The following MYLK3 variants were observed in gnomAD, a reference collection of about 807,000 sequenced individuals.
MYLK3 encodes myosin light chain kinase 3, also known as MLC kinase.
In MYLK3, 55 loss-of-function variants were observed where a neutral mutation model predicts 76.3. That is an observed-to-expected ratio of 0.72 (90% CI 0.58 to 0.90). MYLK3 has a LOEUF of 0.90. Ranked by LOEUF, MYLK3 falls within the 40% of genes least tolerant of loss-of-function variation. The pLI is 0.00. For missense variants in MYLK3, 973 were observed against 1,053.6 expected (o/e 0.92, Z 1.06); for synonymous variants, 416 against 425.4 (o/e 0.98, Z 0.27).
chr16:46,757,573 C>T lies in MYLK3; in HGVS notation c.-114+5467G>A, dbSNP rs566934664. 103 of 985,448 alleles carry T rather than the reference C, an allele frequency of 1.0e-4. No homozygotes were observed. The South Asian group carries it at 1.5e-3, about 14-fold the overall frequency. 61.0% of individuals were successfully genotyped at this position (985,448 alleles called of 1,614,324 possible). On this transcript the variant is annotated intron_variant, in intron 1 of 11. Coordinates refer to the MYLK3 transcript ENST00000536476. ...TGCCTAGAGATGGATGCTGCCCAAACGCCCGGAGCGCTGGGAATGAGGTGG... is the reference window on the plus strand; with the variant it reads ...TGCCTAGAGATGGATGCTGCCCAAATGCCCGGAGCGCTGGGAATGAGGTGG...
In MYLK3 at chr16:46,707,690, A is replaced by C. The variant is rs1003312768; in HGVS notation, c.*14T>G. On this transcript the variant is annotated 3_prime_UTR_variant, in exon 13 of 13. Coordinates refer to ENST00000394809, the MANE Select transcript of MYLK3 (RefSeq NM_182493.3). ...CAGTAATTTCTGGACCCATTGGAGC[A>C]GCAGAGTTGAAGATTAGGGAGAAGT... is the stretch of plus-strand genomic sequence containing the variant. 6.3e-7 allele frequency: 1 copy of C among 1,590,316 alleles called. No individual in the cohort carries two copies. The highest frequency in any genetic ancestry group is 1.3e-5 in the African/African-American group (1 of 74,364).
At chr16:46,724,248 G>A (rs1025834703) in intron 8 of MYLK3, among the ~76,000 whole-genome samples, 2 of 152,086 alleles carry the variant, frequency 1.3e-5, no homozygotes, top group Admixed American at 6.5e-5. Flanking sequence ...CCCATTCTGT[G>A]AGCTATTATT....
intron 2 of MYLK3, 81 bp downstream of exon 2, chr16:46,739,976 C>T (rs1189438821): frequency 9.0e-6 from 9 of 994,918 alleles, no homozygotes; most frequent in Non-Finnish European, 1.2e-5. Flanking sequence ...AGGAATCATA[C>T]TGTGGGCCGT....
chr16:46,730,662 C>A lies in MYLK3; in HGVS notation c.1499G>T (p.Arg500Leu), dbSNP rs200767810. Reference protein sequence around the residue: ...SPAPPAPFEHRVVSVKETSIS... With the variant: ...SPAPPAPFEHLVVSVKETSIS... The stretch of plus-strand genomic sequence containing the variant: ...GGAGGTCTCCTTGACGCTCACTACC[C>A]GGTGTTCAAAAGGAGCTGGTGGGGC... Residue 500 changes from arginine to leucine, a missense_variant, in exon 5 of 13, where the codon CGG (arginine) becomes CTG (leucine). Arg to Leu is a moderately radical substitution (Grantham distance 102). This residue lies in a region of MYLK3 where 332 missense variants were observed against 416.6 expected (regional missense o/e 0.80). Transcript: ENST00000394809. 1 of 1,614,028 alleles carries A rather than the reference C, an allele frequency of 6.2e-7. No homozygotes were observed. The highest frequency in any genetic ancestry group is 8.5e-7 in the Non-Finnish European group (1 of 1,180,020).
intron 1 of MYLK3, among the ~76,000 whole-genome samples, chr16:46,756,697 A>C (rs1967204906): frequency 6.6e-6 from 1 of 152,258 alleles, no homozygotes; most frequent in Non-Finnish European, 1.5e-5. Flanking sequence ...ATTCACACAA[A>C]ATGCCATAGG....
intron 5 of MYLK3, 95 bp from the exon 6 acceptor site, chr16:46,729,782 C>T (rs1259933815): frequency 1.9e-6 from 2 of 1,031,542 alleles, no homozygotes; most frequent in East Asian, 2.4e-5. Context: ...ACACACAGGC[C>T]ATGTGGACCA....
intron 10 of MYLK3, among the ~76,000 whole-genome samples, chr16:46,711,314 C>G (rs1966680925): frequency 1.3e-5 from 2 of 152,262 alleles, no homozygotes; most frequent in Admixed American, 6.5e-5. Flanking sequence ...AGTGCAGGGA[C>G]AGTGCGCAGC....
At chr16:46,728,610 T>A (rs1358609894) in intron 7 of MYLK3, among the ~76,000 whole-genome samples, 2 of 152,134 alleles carry the variant, frequency 1.3e-5, no homozygotes, top group Non-Finnish European at 2.9e-5. Context: ...GGTCACAGCT[T>A]CATGGGAGGC....
intron 12 of MYLK3, among the ~76,000 whole-genome samples, chr16:46,709,292 C>T (rs1020116027): frequency 2.6e-5 from 4 of 152,020 alleles, no homozygotes; most frequent in African/African-American, 7.2e-5. Flanking sequence ...CATGGTGGTA[C>T]ATGCCTGTAG....
chr16:46,710,537 T>G, intron 11 of MYLK3, 100 bp downstream of exon 11: 1 of 1,333,870 alleles, frequency 7.5e-7, no homozygotes, highest in Non-Finnish European at 1.0e-6. Flanking sequence ...ATGGAATTTG[T>G]CCACAGGAAG....
chr16:46,711,133 C>A, intron 10 of MYLK3: 1 of 267,316 alleles, frequency 3.7e-6, no homozygotes, highest in South Asian at 4.3e-5. Context: ...ATAGAAATAG[C>A]CTTCCATGTC....
chr16:46,749,196 C>T (rs888292554), upstream of MYLK3, among the ~76,000 whole-genome samples: 1 of 152,224 alleles, frequency 6.6e-6, no homozygotes, highest in African/African-American at 2.4e-5. Flanking sequence ...GCTAAGGTTA[C>T]CCCCGAGGTG....
At chr16:46,723,141 T>C (rs1372673134) in intron 8 of MYLK3, among the ~76,000 whole-genome samples, 11 of 152,182 alleles carry the variant, frequency 7.2e-5, no homozygotes, top group Admixed American at 7.2e-4. Context: ...CTGTCCATTC[T>C]TTCCTCACTT....
chr16:46,751,132 C>G (rs2052875), upstream of MYLK3, among the ~76,000 whole-genome samples: 1 of 151,998 alleles, frequency 6.6e-6, no homozygotes, highest in South Asian at 2.1e-4. Flanking sequence ...TATCTGAGGC[C>G]GGGCGTGGTG....
rs1388984945 is a variant in MYLK3 at position 46,705,837 on chromosome 16, A to T, written c.*1867T>A. The stretch of plus-strand genomic sequence containing the variant: ...CCCTATCTCCACTAAAAATACAAAA[A>T]TTAGCTGGGTGTAGTAGCGGGCACC... On this transcript the variant is annotated 3_prime_UTR_variant, in exon 13 of 13. Transcript: ENST00000394809. The T allele has an allele frequency of 6.6e-6, 1 of 151,870 alleles. No homozygotes were observed. Among genetic ancestry groups the T allele is most frequent in the Admixed American group, 6.6e-5 (1 of 15,228 alleles). 9.4% of individuals were successfully genotyped at this position (151,870 alleles called of 1,614,324 possible).
At position 46,747,852 on chromosome 16, in the gene MYLK3, G is replaced by T; in HGVS notation, c.342C>A (p.Leu114=). Residue 114 remains leucine, a synonymous_variant, in exon 1 of 13, where the codon CTC becomes CTA. Coordinates refer to ENST00000394809, the MANE Select transcript of MYLK3 (RefSeq NM_182493.3). Reference sequence around the variant, plus strand: ...TGTCCACCGCAGCCACCATCCTGAAGAGGGCCTCCAGCCTGGCACCGTGCT... The same window carrying T: ...TGTCCACCGCAGCCACCATCCTGAATAGGGCCTCCAGCCTGGCACCGTGCT... ...AAQHGARLEA[L]FRMVAAVDRA... 6.2e-7 allele frequency: 1 copy of T among 1,614,160 alleles called. No homozygotes were observed. The highest frequency in any genetic ancestry group is 8.5e-7 in the Non-Finnish European group (1 of 1,180,030).
At position 46,738,104 on chromosome 16, in the gene MYLK3, CT is replaced by C; in HGVS notation, c.607del (p.Arg203GlyfsTer96). 1 of 1,583,380 alleles carries C rather than the reference CT, an allele frequency of 6.3e-7. No individual in the cohort carries two copies. Among genetic ancestry groups the C allele is most frequent in the Admixed American group, 1.7e-5 (1 of 58,492 alleles). On this transcript the variant is annotated frameshift_variant, in exon 3 of 13. Transcript: ENST00000394809. LOFTEE classifies it high-confidence loss of function. ...KADVLEGTAERLPPIRASGLG... is the reference protein window; with the variant it reads ...KADVLEGTAEXLPPIRASGLG... ...CCCTGACGCTCTGATGGGGGGCAGCCTCTCCGCTGTCCCCTCCAGCACGTCC... is the reference window on the plus strand; with the variant it reads ...CCCTGACGCTCTGATGGGGGGCAGCCCTCCGCTGTCCCCTCCAGCACGTCC...
chr16:46,732,358 G>A lies in MYLK3; in HGVS notation c.1312C>T (p.His438Tyr). The A allele has an allele frequency of 6.2e-7, 1 of 1,613,508 alleles. No individual in the cohort carries two copies. Among genetic ancestry groups the A allele is most frequent in the South Asian group, 1.1e-5 (1 of 91,076 alleles). ...PSLARSDDNDHEVGALGLQQG... is the reference protein window; with the variant it reads ...PSLARSDDNDYEVGALGLQQG... ...TGCAGGCCCAGGGCCCCAACCTCGT[G>A]GTCATTGTCGTCACTCCTGGCCAAG... The change falls in exon 4 of 13, where the codon CAC (histidine) becomes TAC (tyrosine). Residue 438 changes from histidine (H) to tyrosine (Y), a missense_variant. Physicochemically the swap from His to Tyr is moderately conservative, Grantham distance 83. This residue lies in a region of MYLK3 where 641 missense variants were observed against 637.0 expected (regional missense o/e 1.01). Coordinates refer to ENST00000394809, the MANE Select transcript of MYLK3 (RefSeq NM_182493.3).
intron 8 of MYLK3, chr16:46,726,702 AAAGAAAG>A (rs1966842161): frequency 1.3e-5 from 2 of 150,338 alleles, no homozygotes; most frequent in Non-Finnish European, 3.0e-5. Flanking sequence ...AGAAAGAAAG[AAAGAAAG>A]AAAGAAAGAA....
Sources: allele counts gnomAD v4.1 joint callset (sites outside exome capture counted in the v4.1 genomes callset), GRCh38; gene constraint gnomAD v4.1.1; regional missense constraint gnomAD v4.1.1; transcripts MANE v1.5; gene names NCBI Gene and HGNC (gene_info 2026-07-23, HGNC 2026-07-21).